ZFHX3: variants seen among roughly 807,000 people sequenced by gnomAD.
The protein encoded by ZFHX3 is zinc finger homeobox 3.
Under a neutral mutation model 279.1 loss-of-function variants are expected in ZFHX3, and 42 were observed. The ratio of observed to expected loss-of-function variants is 0.15; its 90% CI spans 0.12 to 0.19. ZFHX3 has a LOEUF of 0.19. Ranked by LOEUF, ZFHX3 falls within the 10% of genes least tolerant of loss-of-function variation. The pLI is 1.00. For synonymous variants in ZFHX3, 2,293 were observed against 1,957.8 expected, an observed-to-expected ratio of 1.17 and a Z score of -4.52; for missense variants, 4,981 against 4,754.0, an observed-to-expected ratio of 1.05 and a Z score of -1.40.
chr16:73,518,308 G>A (rs2019556859), intron 2 of ZFHX3, among the ~76,000 whole-genome samples: 1 of 152,164 alleles, frequency 6.6e-6, no homozygotes, highest in Non-Finnish European at 1.5e-5. Context: ...ATTTTTTCAT[G>A]TAGCTAGGTC....
rs534933332 is a variant in ZFHX3, at chr16:72,959,746, C to T, written c.400G>A (p.Val134Ile). Reference protein sequence around the residue: ...SDVENLAGEIVYQPDGSAYIV... With the variant: ...SDVENLAGEIIYQPDGSAYIV... ...TACGCGGAGCCGTCCGGCTGGTAGA[C>T]GATCTCCCCGGCCAGGTTCTCCACG... The change falls in exon 2 of 10, where the codon GTC (valine) becomes ATC (isoleucine). Residue 134 changes from valine (V) to isoleucine (I), a missense_variant. Val to Ile is a conservative substitution (Grantham distance 29, BLOSUM62 3). This residue lies in a region of ZFHX3 where 1,068 missense variants were observed against 935.2 expected (regional missense o/e 1.14). Coordinates refer to ENST00000268489, the MANE Select transcript of ZFHX3 (RefSeq NM_006885.4). 82 of 1,611,322 alleles carry T rather than the reference C, an allele frequency of 5.1e-5. No individual in the cohort carries two copies. Among genetic ancestry groups the T allele is most frequent in the South Asian group, 1.4e-4 (13 of 90,886 alleles).
chr16:73,265,014 G>GTATATA (rs1406803294), intron 4 of ZFHX3, among the ~76,000 whole-genome samples: 1 of 96,888 alleles, frequency 1.0e-5, no homozygotes, highest in South Asian at 4.2e-4. Context: ...GCACCTCAGT[G>GTATATA]CATATATATA....
rs546397052 is a variant in ZFHX3, at chr16:73,207,009, A to T, written c.-1104+50038T>A. On this transcript the variant is annotated intron_variant, in intron 5 of 17. Transcript: ENST00000641206. ...CTCCAGCCTGGGTGACAGAGCGAGA[A>T]TCCATCTCAAAAATAAATAAATAAA... Among the ~76,000 whole-genome samples the T allele has an allele frequency of 8.5e-4, 113 of 132,478 alleles. 1 individual carries two copies. Among genetic ancestry groups the T allele is most frequent in the African/African-American group, 3.0e-3 (102 of 33,802 alleles). The allele number at this position is 132,478 out of a possible 152,430, so 86.9% of individuals were successfully genotyped here.
intron 2 of ZFHX3, among the ~76,000 whole-genome samples, chr16:73,488,764 T>C (rs1339885817): frequency 6.6e-6 from 1 of 152,338 alleles, no homozygotes; most frequent in South Asian, 2.1e-4. Context: ...ATGACCCCAT[T>C]GCTATTGAAG....
chr16:73,677,888 G>A (rs928816307), intron 2 of ZFHX3, among the ~76,000 whole-genome samples: 1 of 151,850 alleles, frequency 6.6e-6, no homozygotes, highest in Non-Finnish European at 1.5e-5. Context: ...TGGTACATAA[G>A]GATGAATTCA....
intron 3 of ZFHX3, among the ~76,000 whole-genome samples, chr16:73,392,146 G>A (rs564628277): frequency 4.6e-5 from 7 of 152,128 alleles, no homozygotes; most frequent in East Asian, 3.9e-4. Context: ...AAGGCCAGGC[G>A]CAGTGGCTCA....
At chr16:73,874,260 T>C (rs1273054391) in intron 1 of ZFHX3, among the ~76,000 whole-genome samples, 1 of 152,142 alleles carries the variant, frequency 6.6e-6, no homozygotes, top group Non-Finnish European at 1.5e-5. Flanking sequence ...CGGTAAAAAT[T>C]TATTGCACTG....
chr16:72,848,403 A>G (rs1327774418), intron 4 of ZFHX3, among the ~76,000 whole-genome samples: 1 of 152,124 alleles, frequency 6.6e-6, no homozygotes, highest in African/African-American at 2.4e-5. Flanking sequence ...TTGATCTAGT[A>G]TTAATTTTCA....
At chr16:73,220,340 CTAAAA>C (rs1356982059) in intron 5 of ZFHX3, among the ~76,000 whole-genome samples, 1 of 151,586 alleles carries the variant, frequency 6.6e-6, no homozygotes, top group East Asian at 1.9e-4. Context: ...ACCCCTGAAT[CTAAAA>C]TAAAAGTTGA....
chr16:73,832,280 T>C (rs748497423), intron 1 of ZFHX3, among the ~76,000 whole-genome samples: 1 of 152,094 alleles, frequency 6.6e-6, no homozygotes, highest in Non-Finnish European at 1.5e-5. Flanking sequence ...AGGGCTCTGC[T>C]ATATGCTGAG....
rs891077181 is a variant in ZFHX3 at position 73,627,348 on chromosome 16, G to A, written c.-1547+52832C>T. On this transcript the variant is annotated intron_variant, in intron 2 of 17. Transcript: ENST00000641206. ...GCTAAGCTCAGGAAAGGTGTCAACC[G>A]GGCCAGATAGGATCAGATTTGCAGA... Among the ~76,000 whole-genome samples the A allele has an allele frequency of 1.2e-4, 19 of 152,258 alleles. 1 individual carries two copies. Among genetic ancestry groups the A allele is most frequent in the Admixed American group, 4.6e-4 (7 of 15,292 alleles).
In ZFHX3 at chr16:73,389,582, C is replaced by T. The variant is rs72799438; in HGVS notation, c.-1291+66421G>A. Among the ~76,000 whole-genome samples the T allele has an allele frequency of 2.7e-3, 406 of 152,312 alleles. 1 individual carries two copies. The highest frequency in any genetic ancestry group is 4.5e-3 in the Non-Finnish European group (309 of 68,030). Reference sequence around the variant, plus strand: ...TCTTCTAGGATACCTGTGGACGTCTCATCTCTCTTGATGGTTCCAGTAAAA... The same window carrying T: ...TCTTCTAGGATACCTGTGGACGTCTTATCTCTCTTGATGGTTCCAGTAAAA... On this transcript the variant is annotated intron_variant, in intron 3 of 17. Coordinates refer to the ZFHX3 transcript ENST00000641206.
rs144241213 is a variant in ZFHX3 at position 72,954,842 on chromosome 16, A to G, written c.2719+2585T>C. 3.7e-4 allele frequency among the ~76,000 whole-genome samples: 56 copies of G among 152,300 alleles called. No individual in the cohort carries two copies. The East Asian group carries it at 0.01, about 28-fold the overall frequency. ...CCCCACAATCAGTGTCTGTTTGATG[A>G]TACTAAAGAGGGCTCTGCCAAGGGA... On this transcript the variant is annotated intron_variant, in intron 2 of 9. Coordinates refer to ENST00000268489, the MANE Select transcript of ZFHX3 (RefSeq NM_006885.4).
intron 1 of ZFHX3, among the ~76,000 whole-genome samples, chr16:73,780,572 AGCTGGATTACAG>A (rs1298297096): frequency 6.7e-6 from 1 of 148,980 alleles, no homozygotes; most frequent in Non-Finnish European, 1.5e-5. Flanking sequence ...CCTCCCAAGG[AGCTGGATTACAG>A]GCATGCGCCA....
At chr16:72,848,281 G>A (rs887792299) in intron 4 of ZFHX3, among the ~76,000 whole-genome samples, 5 of 152,146 alleles carry the variant, frequency 3.3e-5, no homozygotes, top group East Asian at 1.9e-4. Context: ...TTCTCGGAGC[G>A]CATTGTACTG....
At chr16:73,141,211 G>A (rs1163733708) in intron 6 of ZFHX3, among the ~76,000 whole-genome samples, 1 of 152,134 alleles carries the variant, frequency 6.6e-6, no homozygotes, top group Non-Finnish European at 1.5e-5. Context: ...CTCCACCAGT[G>A]AAATACCTTA....
intron 2 of ZFHX3, among the ~76,000 whole-genome samples, chr16:73,605,737 TTCTCTTCAAGGA>T (rs1317141469): frequency 1.3e-5 from 2 of 151,960 alleles, no homozygotes; most frequent in African/African-American, 2.4e-5. Context: ...ACAGCAGACA[TTCTCTTCAAGGA>T]ACAGACAGTA....
In ZFHX3 at chr16:73,837,082, G is replaced by T. The variant is rs886348467; in HGVS notation, c.-1608+54569C>A. Among the ~76,000 whole-genome samples the T allele has an allele frequency of 2.2e-4, 33 of 152,168 alleles. 1 individual carries two copies. Among genetic ancestry groups the T allele is most frequent in the African/African-American group, 7.7e-4 (32 of 41,430 alleles). ...TTCTTTAGAAATTACCTAGTCTCTG[G>T]TATTCTGCTACAGCAACACACAATA... On this transcript the variant is annotated intron_variant, in intron 1 of 17. Coordinates refer to the ZFHX3 transcript ENST00000641206.
At chr16:73,616,311 G>C (rs910355845) in intron 2 of ZFHX3, among the ~76,000 whole-genome samples, 4 of 149,744 alleles carry the variant, frequency 2.7e-5, no homozygotes, top group Non-Finnish European at 5.9e-5. Context: ...ATTGATCACA[G>C]GTTAATGACA....
Sources: allele counts gnomAD v4.1 joint callset (sites outside exome capture counted in the v4.1 genomes callset), GRCh38; gene constraint gnomAD v4.1.1; regional missense constraint gnomAD v4.1.1; transcripts MANE v1.5; gene names NCBI Gene and HGNC (gene_info 2026-07-23, HGNC 2026-07-21).